The following EXOC4 variants were observed in gnomAD, a reference collection of about 807,000 sequenced individuals.
EXOC4 encodes the protein SEC8-like 1.
EXOC4 carries 71 observed loss-of-function variants against 107.2 expected under a neutral mutation model. The ratio of observed to expected loss-of-function variants is 0.66; its 90% confidence interval spans 0.55 to 0.81. The LOEUF (loss-of-function observed/expected upper bound fraction) is 0.81, where lower values mean the gene tolerates loss of function less well. Among genes scored for constraint, EXOC4 ranks in the 30% least tolerant of loss-of-function variants. The pLI is 0.00. For synonymous variants in EXOC4, 456 were observed against 441.2 expected (o/e 1.03, Z -0.42); for missense variants, 1,108 against 1,189.6 (o/e 0.93, Z 1.01).
intron 10 of EXOC4, among the ~76,000 whole-genome samples, chr7:133,815,693 A>G (rs1797352436): frequency 6.6e-6 from 1 of 151,920 alleles, no homozygotes; most frequent in African/African-American, 2.4e-5. Context: ...TAAGTGTGAA[A>G]TTTGTTGCCA....
intron 16 of EXOC4, among the ~76,000 whole-genome samples, chr7:134,005,448 A>G (rs1242106071): frequency 6.6e-6 from 1 of 152,200 alleles, no homozygotes; most frequent in East Asian, 1.9e-4. Flanking sequence ...ATCCTGAAAG[A>G]TCACTCATTG....
chr7:133,865,003 C>A (rs919377270), intron 11 of EXOC4, among the ~76,000 whole-genome samples: 1 of 151,966 alleles, frequency 6.6e-6, no homozygotes, highest in African/African-American at 2.4e-5. Flanking sequence ...ACTAAACTAC[C>A]TGTTAGGAAT....
intron 9 of EXOC4, among the ~76,000 whole-genome samples, chr7:133,591,348 A>T (rs1398990726): frequency 6.6e-6 from 1 of 152,044 alleles, no homozygotes; most frequent in Admixed American, 6.6e-5. Flanking sequence ...CATAATTTTG[A>T]TGTTCGTTCT....
intron 7 of EXOC4, among the ~76,000 whole-genome samples, chr7:133,376,472 G>A (rs1436806956): frequency 6.6e-6 from 1 of 152,178 alleles, no homozygotes; most frequent in East Asian, 1.9e-4. Context: ...TTCTCATCTT[G>A]ATGAAGTTAC....
At chr7:133,441,177 G>C (rs1034816404) in intron 7 of EXOC4, among the ~76,000 whole-genome samples, 1 of 152,152 alleles carries the variant, frequency 6.6e-6, no homozygotes, top group African/African-American at 2.4e-5. Context: ...TGAGTTGTTG[G>C]AAAATGCTTC....
chr7:133,440,695 A>G (rs1428409301), intron 7 of EXOC4, among the ~76,000 whole-genome samples: 1 of 152,208 alleles, frequency 6.6e-6, no homozygotes, highest in Non-Finnish European at 1.5e-5. Context: ...GGTGGTCCTC[A>G]CTGCTACACT....
chr7:133,835,345 GT>G (rs1797895740), intron 11 of EXOC4, among the ~76,000 whole-genome samples: 1 of 152,148 alleles, frequency 6.6e-6, no homozygotes, highest in South Asian at 2.1e-4. Flanking sequence ...GTGCAGCCTT[GT>G]TTTATACATT....
chr7:133,651,102 C>T (rs1263986503), intron 10 of EXOC4, among the ~76,000 whole-genome samples: 4 of 151,824 alleles, frequency 2.6e-5, no homozygotes, highest in Admixed American at 2.6e-4. Flanking sequence ...AGTCATACAC[C>T]ACATATCCCC....
At chr7:133,929,226 C>T (rs553240627) in intron 13 of EXOC4, among the ~76,000 whole-genome samples, 140 of 152,106 alleles carry the variant, frequency 9.2e-4, no homozygotes, top group African/African-American at 3.2e-3. Flanking sequence ...CCACCACGCC[C>T]GGTTACAGTA....
At chr7:133,696,571 A>G (rs186395360) in intron 10 of EXOC4, among the ~76,000 whole-genome samples, 3 of 152,266 alleles carry the variant, frequency 2.0e-5, no homozygotes, top group Admixed American at 6.5e-5. Context: ...TTATGGTCTT[A>G]TATTAACAGT....
Position 133,601,681 on chromosome 7 carries a change from C to T in EXOC4, c.1418-28364C>T, listed in dbSNP as rs188517304. ...GGATGGGCTAGCAGTTTCTGCCTTC[C>T]TTCTCTTTCCTCCATCATGACAGAG... On this transcript the variant is annotated intron_variant, in intron 9 of 17. Transcript: ENST00000253861. Among the ~76,000 whole-genome samples the T allele has an allele frequency of 1.5e-4, 23 of 152,330 alleles. No homozygotes were observed. The East Asian group carries it at 4.2e-3, about 28-fold the overall frequency.
intron 7 of EXOC4, among the ~76,000 whole-genome samples, chr7:133,420,517 A>C (rs1310726708): frequency 6.6e-6 from 1 of 152,056 alleles, no homozygotes; most frequent in African/African-American, 2.4e-5. Flanking sequence ...GTATAGTGTC[A>C]TGTGACAGCC....
intron 5 of EXOC4, among the ~76,000 whole-genome samples, chr7:133,346,088 A>G (rs566475952): frequency 6.6e-6 from 1 of 152,302 alleles, no homozygotes; most frequent in East Asian, 1.9e-4. Context: ...GTAATTTTTC[A>G]CGGTGAAGGA....
intron 10 of EXOC4, among the ~76,000 whole-genome samples, chr7:133,659,491 T>A (rs1803387380): frequency 6.6e-6 from 1 of 152,176 alleles, no homozygotes; most frequent in Non-Finnish European, 1.5e-5. Flanking sequence ...TCTTCCCTTT[T>A]TTTGGCAAAA....
At chr7:133,444,496 T>C (rs565417908) in intron 7 of EXOC4, among the ~76,000 whole-genome samples, 94 of 152,312 alleles carry the variant, frequency 6.2e-4, no homozygotes, top group African/African-American at 2.2e-3. Context: ...CCACGGAGCT[T>C]ATGTCTTAGT....
At chr7:134,056,383 C>T (rs1795924376) in intron 17 of EXOC4, among the ~76,000 whole-genome samples, 1 of 152,138 alleles carries the variant, frequency 6.6e-6, no homozygotes, top group African/African-American at 2.4e-5. Flanking sequence ...ATAAAAAAAT[C>T]ACAGAACAAG....
intron 13 of EXOC4, among the ~76,000 whole-genome samples, chr7:133,927,995 A>G (rs2116684425): frequency 6.6e-6 from 1 of 152,356 alleles, no homozygotes; most frequent in East Asian, 1.9e-4. Flanking sequence ...AATCTCCCCT[A>G]CACATCACAT....
At chr7:133,780,694 C>G (rs1247994197) in intron 10 of EXOC4, among the ~76,000 whole-genome samples, 1 of 152,098 alleles carries the variant, frequency 6.6e-6, no homozygotes, top group Non-Finnish European at 1.5e-5. Context: ...GCCTGTCATG[C>G]TTAATCACTG....
intron 10 of EXOC4, among the ~76,000 whole-genome samples, chr7:133,744,397 TA>T (rs979979750): frequency 2.0e-5 from 3 of 152,142 alleles, no homozygotes; most frequent in African/African-American, 7.2e-5. Context: ...GAGTCTGATT[TA>T]AAAGCACAAA....
Sources: gnomAD v4.1 joint callset for allele counts (sites outside exome capture counted in the v4.1 genomes callset) on GRCh38, gnomAD v4.1.1 for gene constraint, MANE v1.5 for transcripts, NCBI Gene and HGNC (gene_info 2026-07-23, HGNC 2026-07-21) for gene names.